GRIP1: variants seen among roughly 807,000 people sequenced by gnomAD.
The protein encoded by GRIP1 is glutamate receptor interacting protein 1, also known as glutamate receptor-interacting protein 1.
Under a neutral mutation model 129.9 loss-of-function variants are expected in GRIP1, and 45 were observed. That is an observed-to-expected ratio of 0.35 (90% confidence interval 0.27 to 0.44). The LOEUF (loss-of-function observed/expected upper bound fraction) is 0.44. Among genes scored for constraint, GRIP1 ranks in the 20% least tolerant of loss-of-function variants. The pLI, the probability that GRIP1 is intolerant of heterozygous loss-of-function variation, is 1.00. For synonymous variants in GRIP1, 530 were observed against 520.8 expected, an observed-to-expected ratio of 1.02 and a Z score of -0.24; for missense variants, 1,196 against 1,396.8, an observed-to-expected ratio of 0.86 and a Z score of 2.29.
chr12:66,880,082 G>C (rs1176079303), intron 1 of GRIP1, among the ~76,000 whole-genome samples: 6 of 152,126 alleles, frequency 3.9e-5, no homozygotes, highest in Admixed American at 2.6e-4. Context: ...ATGAGGCACA[G>C]AGAGTAGGTA....
chr12:66,399,095 G>C lies in GRIP1; in HGVS notation c.1985-4743C>G, dbSNP rs1317059055. Among the ~76,000 whole-genome samples, 4 of 151,914 alleles carry C rather than the reference G, an allele frequency of 2.6e-5. 1 individual carries two copies. Among genetic ancestry groups the C allele is most frequent in the African/African-American group, 9.7e-5 (4 of 41,192 alleles). The stretch of plus-strand genomic sequence containing the variant: ...CGAGTCAGCTTCCCTGCTATGCCAA[G>C]GTCTAGTTTCCTTTTCTAAGACATG... On this transcript the variant is annotated intron_variant, in intron 16 of 24. Coordinates refer to ENST00000359742, the MANE Select transcript of GRIP1 (RefSeq NM_001366722.1).
chr12:66,545,036 A>G (rs74368402), intron 2 of GRIP1, among the ~76,000 whole-genome samples: 436 of 152,192 alleles, frequency 2.9e-3, no homozygotes, highest in African/African-American at 9.9e-3. Context: ...CACTCCCTCA[A>G]TTAAGAGGAC....
At chr12:66,671,812 C>T (rs566095349) in intron 1 of GRIP1, among the ~76,000 whole-genome samples, 35 of 152,292 alleles carry the variant, frequency 2.3e-4, no homozygotes, top group African/African-American at 7.2e-4. Flanking sequence ...ATGTGTGGGA[C>T]GTGTATCCTA....
intron 2 of GRIP1, among the ~76,000 whole-genome samples, chr12:66,595,122 T>G (rs1210813007): frequency 6.6e-6 from 1 of 152,144 alleles, no homozygotes; most frequent in Non-Finnish European, 1.5e-5. Context: ...TTAAGAGAGA[T>G]GAACAAAAAG....
At chr12:66,923,529 C>A (rs890676741) in intron 1 of GRIP1, among the ~76,000 whole-genome samples, 1 of 152,120 alleles carries the variant, frequency 6.6e-6, no homozygotes, top group Non-Finnish European at 1.5e-5. Context: ...ACTTTTAACC[C>A]CTTTATCTAC....
At chr12:66,652,751 A>G (rs1592704027) in intron 1 of GRIP1, among the ~76,000 whole-genome samples, 1 of 152,122 alleles carries the variant, frequency 6.6e-6, no homozygotes, top group African/African-American at 2.4e-5. Context: ...CTGCTCTGTG[A>G]CCAAAGCTGA....
At position 66,525,838 on chromosome 12, in the gene GRIP1, G is replaced by A. The variant is rs2061213890; in HGVS notation, c.502+3993C>T. Among the ~76,000 whole-genome samples the A allele has an allele frequency of 2.0e-5, 3 of 152,030 alleles. No homozygotes were observed. In the East Asian group the frequency reaches 5.8e-4, roughly 29 times the overall value. ...GATAAGCAACTTCAGCAAAGTCTCAGGATACAAAATCAATGTACAAAAATC... is the reference window on the plus strand; with the variant it reads ...GATAAGCAACTTCAGCAAAGTCTCAAGATACAAAATCAATGTACAAAAATC... On this transcript the variant is annotated intron_variant, in intron 5 of 24. Coordinates refer to ENST00000359742, the MANE Select transcript of GRIP1 (RefSeq NM_001366722.1).
rs1462512737 is a variant in GRIP1 at position 66,578,231 on chromosome 12, G to GTTTTTTTTTTTTTTTTTTT, written c.136+18615_136+18616insAAAAAAAAAAAAAAAAAAA. On this transcript the variant is annotated intron_variant, in intron 2 of 24. Transcript: ENST00000359742. Reference sequence around the variant, plus strand: ...AGCCTGACTAATATGGCAAAACCGCGGTTTTTTTTTTTTTTTTTGTAAAAA... The same window carrying GTTTTTTTTTTTTTTTTTTT: ...AGCCTGACTAATATGGCAAAACCGCGTTTTTTTTTTTTTTTTTTTGTTTTTTTTTTTTTTTTTGTAAAAA... Among the ~76,000 whole-genome samples, 4 of 31,500 alleles carry GTTTTTTTTTTTTTTTTTTT rather than the reference G, an allele frequency of 1.3e-4. 1 individual carries two copies. The highest frequency in any genetic ancestry group is 8.6e-4 in the Admixed American group (2 of 2,320). The allele number at this position is 31,500 out of a possible 152,430, so 20.7% of individuals were successfully genotyped here.
At chr12:66,932,382 T>C (rs960557779) in intron 1 of GRIP1, among the ~76,000 whole-genome samples, 1 of 152,208 alleles carries the variant, frequency 6.6e-6, no homozygotes, top group African/African-American at 2.4e-5. Context: ...CTAGAAACCC[T>C]ATCACTCTAT....
intron 1 of GRIP1, among the ~76,000 whole-genome samples, chr12:66,709,674 C>T (rs1272338511): frequency 6.6e-6 from 1 of 151,720 alleles, no homozygotes; most frequent in African/African-American, 2.4e-5. Flanking sequence ...AACACATGTG[C>T]CTTAAGGATT....
intron 23 of GRIP1, among the ~76,000 whole-genome samples, chr12:66,362,023 A>C (rs1174189098): frequency 1.3e-5 from 2 of 151,324 alleles, no homozygotes; most frequent in Admixed American, 1.3e-4. Context: ...TTATTTCCCC[A>C]CTGTAGAAAT....
chr12:66,697,070 T>C (rs1300178208), intron 1 of GRIP1, among the ~76,000 whole-genome samples: 2 of 152,056 alleles, frequency 1.3e-5, no homozygotes, highest in African/African-American at 2.4e-5. Context: ...GTGCCTGACA[T>C]ATAGCAGGTG....
At chr12:66,760,714 A>C (rs2037448064) in intron 1 of GRIP1, among the ~76,000 whole-genome samples, 1 of 152,238 alleles carries the variant, frequency 6.6e-6, no homozygotes, top group South Asian at 2.1e-4. Flanking sequence ...TTCTGAAAAC[A>C]GAAGAGTATT....
At chr12:66,945,118 AATTGCCATT>A (rs1291421510) in intron 1 of GRIP1, among the ~76,000 whole-genome samples, 2 of 151,998 alleles carry the variant, frequency 1.3e-5, no homozygotes, top group Non-Finnish European at 2.9e-5. Context: ...TTTAATATGG[AATTGCCATT>A]CTCTTTTGTT....
intron 1 of GRIP1, among the ~76,000 whole-genome samples, chr12:66,966,946 A>G (rs1296021776): frequency 6.6e-6 from 1 of 152,174 alleles, no homozygotes; most frequent in East Asian, 1.9e-4. Context: ...TTGAGAGTGA[A>G]GTATCTGCAT....
chr12:66,751,127 T>C (rs541680435), intron 1 of GRIP1, among the ~76,000 whole-genome samples: 18 of 152,330 alleles, frequency 1.2e-4, no homozygotes, highest in Middle Eastern at 3.4e-3. Flanking sequence ...TAAATGCAGC[T>C]TGTGGAACTC....
In GRIP1 at chr12:66,781,019, C is replaced by T. The variant is rs368690991; in HGVS notation, c.-420+23034G>A. ...ATCTGAATCCCTGACCCATAAAGGCCAAGAGCATGATAAAATGATTATTGT... is the reference window on the plus strand; with the variant it reads ...ATCTGAATCCCTGACCCATAAAGGCTAAGAGCATGATAAAATGATTATTGT... On this transcript the variant is annotated intron_variant, in intron 1 of 4. Coordinates refer to the GRIP1 transcript ENST00000538373. Among the ~76,000 whole-genome samples the T allele has an allele frequency of 1.5e-4, 23 of 152,194 alleles. No individual in the cohort carries two copies. The East Asian group carries it at 1.9e-3, about 13-fold the overall frequency.
Position 66,385,263 on chromosome 12 carries a change from C to T in GRIP1, c.2465-5827G>A, listed in dbSNP as rs894080552. Reference sequence around the variant, plus strand: ...CAGGCACGGTGGCTCAGGCAGGGCACGGTAGCTCATGCCTGCAATCCCAGC... The same window carrying T: ...CAGGCACGGTGGCTCAGGCAGGGCATGGTAGCTCATGCCTGCAATCCCAGC... On this transcript the variant is annotated intron_variant, in intron 19 of 24. Coordinates refer to ENST00000359742, the MANE Select transcript of GRIP1 (RefSeq NM_001366722.1). Among the ~76,000 whole-genome samples, 21 of 152,124 alleles carry T rather than the reference C, an allele frequency of 1.4e-4. 1 individual carries two copies. Among genetic ancestry groups the T allele is most frequent in the Non-Finnish European group, 5.9e-5 (4 of 68,014 alleles).
At chr12:66,980,645 TACA>T (rs956644020) in intron 1 of GRIP1, among the ~76,000 whole-genome samples, 2 of 152,178 alleles carry the variant, frequency 1.3e-5, no homozygotes, top group African/African-American at 4.8e-5. Flanking sequence ...ATTTAATTCT[TACA>T]ACAACTCTGT....
Sources: allele counts gnomAD v4.1 joint callset (sites outside exome capture counted in the v4.1 genomes callset), GRCh38; gene constraint gnomAD v4.1.1; transcripts MANE v1.5; gene names NCBI Gene and HGNC (gene_info 2026-07-23, HGNC 2026-07-21).